EXOC6: variants seen among roughly 807,000 people sequenced by gnomAD.
EXOC6 encodes the protein SEC15-like 1.
Under a neutral mutation model 112.5 loss-of-function variants are expected in EXOC6, and 60 were observed. That is an observed-to-expected ratio of 0.53 (90% CI 0.43 to 0.66). EXOC6 has a LOEUF of 0.66. Ranked by LOEUF, EXOC6 falls within the 30% of genes least tolerant of loss-of-function variation. EXOC6 has a pLI of 0.00. For synonymous variants in EXOC6, 295 were observed against 308.0 expected (o/e 0.96, Z 0.44); for missense variants, 855 against 957.1 (o/e 0.89, Z 1.41).
chr10:92,841,097 C>T (rs2490735), intron 1 of EXOC6, among the ~76,000 whole-genome samples: 150,681 of 152,346 alleles, frequency 0.99, 74,542 homozygotes, highest in Middle Eastern at 1. Context: ...TTTTGAAATA[C>T]GCAGTATATT....
intron 4 of EXOC6, among the ~76,000 whole-genome samples, chr10:92,896,175 ATATATATTTTTTTTTTTTTTT>A (rs1849800053): frequency 1.3e-3 from 27 of 20,508 alleles, no homozygotes; most frequent in South Asian, 4.8e-3. Flanking sequence ...ATATATATAT[ATATATATTTTTTTTTTTTTTT>A]TTTTTTTTTT....
chr10:93,040,187 C>T (rs1428467660), intron 20 of EXOC6, among the ~76,000 whole-genome samples: 2 of 152,184 alleles, frequency 1.3e-5, no homozygotes, highest in East Asian at 1.9e-4. Context: ...TGCCCTTGAC[C>T]CTATCTTTTG....
intron 18 of EXOC6, among the ~76,000 whole-genome samples, chr10:92,975,148 T>A (rs1842464762): frequency 6.6e-6 from 1 of 150,792 alleles, no homozygotes; most frequent in Non-Finnish European, 1.5e-5. Flanking sequence ...CGCCATCCCA[T>A]GTACGAAGTG....
chr10:92,891,984 T>C (rs747857882), intron 1 of EXOC6, among the ~76,000 whole-genome samples: 1 of 151,972 alleles, frequency 6.6e-6, no homozygotes, highest in East Asian at 1.9e-4. Context: ...CTGTAAGGGG[T>C]TGTAAGTTTA....
chr10:93,035,312 T>C (rs919755197), intron 20 of EXOC6, among the ~76,000 whole-genome samples: 2 of 152,234 alleles, frequency 1.3e-5, no homozygotes, highest in African/African-American at 4.8e-5. Flanking sequence ...CTCAAATTTT[T>C]ATGATTATTT....
At chr10:93,012,050 A>G (rs892396011) in intron 19 of EXOC6, among the ~76,000 whole-genome samples, 1 of 152,196 alleles carries the variant, frequency 6.6e-6, no homozygotes, top group Non-Finnish European at 1.5e-5. Flanking sequence ...CCAAGAACAA[A>G]GGGGGAAAAG....
At chr10:92,843,921 G>A (rs916957419), upstream of EXOC6, among the ~76,000 whole-genome samples, 4 of 146,172 alleles carry the variant, frequency 2.7e-5, no homozygotes, top group Non-Finnish European at 5.9e-5. Context: ...AGGCTGCAGT[G>A]AGCCGAGACT....
rs1343155444 is a variant in EXOC6, at chr10:92,976,605, T to C, written c.1953+2373T>C. Among the ~76,000 whole-genome samples the C allele has an allele frequency of 5.6e-5, 7 of 124,550 alleles. No individual in the cohort carries two copies. The East Asian group carries it at 1.2e-3, about 22-fold the overall frequency. The allele number at this position is 124,550 out of a possible 152,430, so 81.7% of individuals were successfully genotyped here. On this transcript the variant is annotated intron_variant, in intron 18 of 21. Coordinates refer to ENST00000260762, the MANE Select transcript of EXOC6 (RefSeq NM_019053.6). The stretch of plus-strand genomic sequence containing the variant: ...TTATCTGCTGACCTTCCCTCCACTA[T>C]TGTCCTATGACCCTGCCATCCCCCT...
chr10:92,954,672 G>T lies in EXOC6; in HGVS notation c.1569G>T (p.Leu523=). 4 of 1,609,504 alleles carry T rather than the reference G, an allele frequency of 2.5e-6. No homozygotes were observed. In the South Asian group the frequency reaches 4.4e-5, roughly 18 times the overall value. ...IDDMLRKSTN[L]LLTRTLSSCL... is the part of the protein sequence containing the mutation. The stretch of plus-strand genomic sequence containing the variant: ...ATATGCTTAGAAAATCAACAAATCT[G>T]CTGCTGACCAGAACTTTGAGTAGCT... Residue 523 remains leucine (L), a synonymous_variant, in exon 16 of 22, where the codon CTG becomes CTT. Coordinates refer to ENST00000260762, the MANE Select transcript of EXOC6 (RefSeq NM_019053.6).
At chr10:92,991,978 T>G (rs1274133740) in intron 18 of EXOC6, among the ~76,000 whole-genome samples, 1 of 151,868 alleles carries the variant, frequency 6.6e-6, no homozygotes, top group East Asian at 1.9e-4. Context: ...AAAGAGGTAT[T>G]TGGGGGAATG....
At chr10:92,897,701 A>G (rs1849902105) in intron 4 of EXOC6, among the ~76,000 whole-genome samples, 2 of 152,170 alleles carry the variant, frequency 1.3e-5, no homozygotes, top group African/African-American at 4.8e-5. Flanking sequence ...TTTTATTTGT[A>G]TAAAAATGCA....
intron 12 of EXOC6, among the ~76,000 whole-genome samples, chr10:92,937,627 G>T (rs1474180936): frequency 6.6e-6 from 1 of 151,974 alleles, no homozygotes; most frequent in East Asian, 1.9e-4. Flanking sequence ...GGGATTTTTT[G>T]TTGTTGTTTT....
At chr10:93,008,050 G>A (rs981265565) in intron 19 of EXOC6, among the ~76,000 whole-genome samples, 8 of 152,044 alleles carry the variant, frequency 5.3e-5, no homozygotes, top group Non-Finnish European at 1.0e-4. Context: ...GTGCATGCCT[G>A]TAATCAAAGC....
intron 20 of EXOC6, among the ~76,000 whole-genome samples, chr10:93,050,758 T>A (rs1168703516): frequency 1.2e-3 from 1 of 856 alleles, no homozygotes. Flanking sequence ...AGACTCCGTC[T>A]CAAAAAAAAA....
chr10:92,930,395 C>T (rs554354480), intron 9 of EXOC6, among the ~76,000 whole-genome samples: 5 of 151,534 alleles, frequency 3.3e-5, no homozygotes, highest in Admixed American at 6.6e-5. Flanking sequence ...CCCAGCTGCT[C>T]GGGAGGCTGA....
chr10:92,908,142 C>T (rs918325233), intron 5 of EXOC6, among the ~76,000 whole-genome samples: 1 of 149,644 alleles, frequency 6.7e-6, no homozygotes, highest in Admixed American at 6.8e-5. Flanking sequence ...GCAACTGCCA[C>T]CTCCCAGATT....
intron 18 of EXOC6, among the ~76,000 whole-genome samples, chr10:92,989,420 T>C (rs972169817): frequency 4.6e-5 from 7 of 152,224 alleles, no homozygotes; most frequent in Non-Finnish European, 1.0e-4. Flanking sequence ...ATGATACCAG[T>C]ACTGATTAGA....
intron 20 of EXOC6, among the ~76,000 whole-genome samples, chr10:93,022,813 T>C (rs1295842008): frequency 6.6e-6 from 1 of 151,992 alleles, no homozygotes; most frequent in African/African-American, 2.4e-5. Flanking sequence ...CAGATGTTAG[T>C]GATTATTTAA....
intron 20 of EXOC6, among the ~76,000 whole-genome samples, chr10:93,049,356 C>T (rs184165717): frequency 3.3e-5 from 5 of 152,012 alleles, no homozygotes; most frequent in African/African-American, 4.8e-5. Flanking sequence ...CCACCGTGCC[C>T]GGCCCAGCAG....
Sources: allele counts gnomAD v4.1 joint callset (sites outside exome capture counted in the v4.1 genomes callset), GRCh38; gene constraint gnomAD v4.1.1; transcripts MANE v1.5; gene names NCBI Gene and HGNC (gene_info 2026-07-23, HGNC 2026-07-21).